Variants in PLB1 observed in about 807,000 individuals in gnomAD.
The protein encoded by PLB1 is phospholipase B1, membrane-associated.
In PLB1, 242 loss-of-function variants were observed where a neutral mutation model predicts 227.4. That is an observed-to-expected ratio of 1.06 (90% CI 0.96 to 1.18). The LOEUF (loss-of-function observed/expected upper bound fraction) is 1.18. Among genes scored for constraint, PLB1 ranks in the 50% most tolerant of loss-of-function variants. The probability of loss-of-function intolerance (pLI) is 0.00; values close to 1 mark genes in which losing one functional copy is unlikely to be tolerated. For missense variants in PLB1, 1,858 were observed against 1,816.3 expected (o/e 1.02, Z -0.42); for synonymous variants, 757 against 682.2 (o/e 1.11, Z -1.71).
chr2:28,536,438 A>G (rs548914491), intron 9 of PLB1, among the ~76,000 whole-genome samples: 31 of 152,352 alleles, frequency 2.0e-4, no homozygotes, highest in Non-Finnish European at 2.2e-4. Flanking sequence ...AGAGCTGATT[A>G]CAAGAAAACA....
At chr2:28,587,333 A>G (rs866858111) in intron 26 of PLB1, among the ~76,000 whole-genome samples, 1 of 152,196 alleles carries the variant, frequency 6.6e-6, no homozygotes, top group African/African-American at 2.4e-5. Flanking sequence ...ATCAAAATCA[A>G]TGCTGGGCGT....
At chr2:28,510,771 C>T (rs1406502053) in intron 1 of PLB1, among the ~76,000 whole-genome samples, 2 of 88,066 alleles carry the variant, frequency 2.3e-5, no homozygotes, top group Non-Finnish European at 4.7e-5. Context: ...CCACCACACT[C>T]AGATAATTGT....
intron 40 of PLB1, 144 bp from the exon 41 acceptor site, chr2:28,604,511 C>A: frequency 1.7e-6 from 1 of 605,032 alleles, no homozygotes. Flanking sequence ...GGGACTTGCC[C>A]TCAGGTGATT....
At chr2:28,554,694 T>C (rs1674781281) in intron 17 of PLB1, among the ~76,000 whole-genome samples, 1 of 152,042 alleles carries the variant, frequency 6.6e-6, no homozygotes, top group Non-Finnish European at 1.5e-5. Flanking sequence ...TTTAATCTTA[T>C]TCTGAAAGAA....
chr2:28,594,481 G>A (rs189129191), intron 33 of PLB1: 248 of 162,714 alleles, frequency 1.5e-3, no homozygotes, highest in Non-Finnish European at 2.4e-3. Flanking sequence ...AGGGGGCAGC[G>A]TGCTAATGAG....
chr2:28,629,634 C>T (rs989956504), intron 53 of PLB1, among the ~76,000 whole-genome samples: 9 of 152,192 alleles, frequency 5.9e-5, no homozygotes, highest in Admixed American at 5.2e-4. Flanking sequence ...GGTGATGACA[C>T]CTTCCCTGCA....
At chr2:28,588,346 C>T (rs1681273636) in intron 26 of PLB1, among the ~76,000 whole-genome samples, 1 of 152,126 alleles carries the variant, frequency 6.6e-6, no homozygotes, top group South Asian at 2.1e-4. Flanking sequence ...TGGAAGTCAC[C>T]CTGCTAGTTC....
At chr2:28,532,230 T>C in intron 9 of PLB1, 36 bp downstream of exon 9, 3 of 1,549,036 alleles carry the variant, frequency 1.9e-6, no homozygotes, top group South Asian at 1.1e-5. Flanking sequence ...GGATTACAGA[T>C]GCTGGGGTGG....
rs568033403 is a variant in PLB1 at position 28,623,293 on chromosome 2, G to T, written c.3528-1764G>T. 2.0e-5 allele frequency among the ~76,000 whole-genome samples: 3 copies of T among 152,316 alleles called. 1 individual carries two copies. The South Asian group carries it at 6.2e-4, about 32-fold the overall frequency. ...AAATGCAAGATGTGTGGATCAGGGA[G>T]CCCAGAGAGGAGGCTCAAGGGAAAG... On this transcript the variant is annotated intron_variant, in intron 49 of 57. Transcript: ENST00000327757.
intron 1 of PLB1, 93 bp downstream of exon 1, chr2:28,496,262 GC>G: frequency 7.9e-7 from 1 of 1,269,948 alleles, no homozygotes; most frequent in Non-Finnish European, 1.1e-6. Context: ...AGGAGTGTGT[GC>G]TTTTGAAGAG....
At chr2:28,589,978 T>G (rs1391232792) in intron 28 of PLB1, 27 bp from the exon 29 acceptor site, 1 of 1,602,186 alleles carries the variant, frequency 6.2e-7, no homozygotes. Context: ...TCTTCCTCAC[T>G]CCCCATCTCC....
At chr2:28,575,971 TG>T (rs933671907) in intron 21 of PLB1, among the ~76,000 whole-genome samples, 2 of 152,164 alleles carry the variant, frequency 1.3e-5, no homozygotes, top group Non-Finnish European at 2.9e-5. Flanking sequence ...CAAGCATATG[TG>T]GGCTGGTAGT....
At chr2:28,600,102 G>A (rs943884216) in intron 35 of PLB1, among the ~76,000 whole-genome samples, 11 of 151,928 alleles carry the variant, frequency 7.2e-5, no homozygotes, top group African/African-American at 2.4e-4. Flanking sequence ...TAGAGATGGG[G>A]TTTTACCATG....
At chr2:28,596,185 C>T (rs1209271500) in intron 33 of PLB1, 1 of 152,172 alleles carries the variant, frequency 6.6e-6, no homozygotes, top group African/African-American at 2.4e-5. Context: ...GACCAGAGCC[C>T]AGCCATTGAG....
At chr2:28,630,522 C>A in intron 53 of PLB1, 64 bp from the exon 54 acceptor site, 1 of 1,447,174 alleles carries the variant, frequency 6.9e-7, no homozygotes, top group Non-Finnish European at 9.6e-7. Context: ...TCAGAGCCAG[C>A]CTCCCAGGAG....
chr2:28,514,647 G>A (rs1283956826), intron 1 of PLB1, among the ~76,000 whole-genome samples: 2 of 152,096 alleles, frequency 1.3e-5, no homozygotes, highest in African/African-American at 4.8e-5. Context: ...AGACCATATG[G>A]TGAGTAAAAT....
chr2:28,625,076 T>C lies in PLB1; in HGVS notation c.3547T>C (p.Trp1183Arg). The part of the protein sequence containing the change: ...ARARDMPAQA[W>R]DLVERMKNSP... ...ACCTAGGGACATGCCAGCCCAGGCCTGGGACCTGGTAGAGCGAATGAAAAA... is the reference window on the plus strand; with the variant it reads ...ACCTAGGGACATGCCAGCCCAGGCCCGGGACCTGGTAGAGCGAATGAAAAA... The change falls in exon 50 of 58, where the codon TGG becomes CGG. Residue 1183 changes from tryptophan to arginine, a missense_variant. Transcript: ENST00000327757. The C allele has an allele frequency of 6.2e-7, 1 of 1,613,734 alleles. No homozygotes were observed. The highest frequency in any genetic ancestry group is 8.5e-7 in the Non-Finnish European group (1 of 1,179,784).
intron 56 of PLB1, among the ~76,000 whole-genome samples, chr2:28,636,375 T>G (rs959574120): frequency 7.2e-5 from 11 of 152,182 alleles, no homozygotes; most frequent in Admixed American, 2.0e-4. Context: ...TCCAGGGACT[T>G]TTAAAACAAT....
chr2:28,538,232 C>A, intron 9 of PLB1, 87 bp from the exon 10 acceptor site: 1 of 1,536,644 alleles, frequency 6.5e-7, no homozygotes, highest in Non-Finnish European at 9.0e-7. Context: ...TCTTGCCTGG[C>A]AGGGATGGGC....
Sources: gnomAD v4.1 joint callset for allele counts (sites outside exome capture counted in the v4.1 genomes callset) on GRCh38, gnomAD v4.1.1 for gene constraint, MANE v1.5 for transcripts, NCBI Gene and HGNC (gene_info 2026-07-23, HGNC 2026-07-21) for gene names.